RSPH3: variants seen among roughly 807,000 people sequenced by gnomAD.
RSPH3 encodes radial spoke head protein 3 homolog.
RSPH3 carries 21 observed loss-of-function variants against 43.8 expected under a neutral mutation model. The ratio of observed to expected loss-of-function variants is 0.48; its 90% CI spans 0.34 to 0.69. The LOEUF is 0.69. RSPH3 is among the 30% of genes least tolerant of loss of function. The pLI, the probability that RSPH3 is intolerant of heterozygous loss-of-function variation, is 0.01. For synonymous variants in RSPH3, 173 were observed against 179.8 expected (o/e 0.96, Z 0.30); for missense variants, 487 against 516.0 (o/e 0.94, Z 0.54).
chr6:158,983,871 T>C (rs1778121094), intron 3 of RSPH3, 64 bp from the exon 4 acceptor site: 10 of 1,205,304 alleles, frequency 8.3e-6, no homozygotes, highest in Non-Finnish European at 1.2e-5. Context: ...TGGTAGTTCA[T>C]GCCCATAATC....
rs1486331087 is a variant in RSPH3 at position 158,982,693 on chromosome 6, A to G, written c.493-5T>C. The G allele has an allele frequency of 1.2e-6, 2 of 1,603,706 alleles. No homozygotes were observed. Among genetic ancestry groups the G allele is most frequent in the Non-Finnish European group, 1.7e-6 (2 of 1,173,994 alleles). On this transcript the variant is annotated splice_region_variant and splice_polypyrimidine_tract_variant and intron_variant, in intron 4 of 7. Transcript: ENST00000367069. ...TTCAAGATCAAAGTCAAAGAGCTTA[A>G]ACATACAAAATAAAGCAAACTTAAA...
At chr6:158,978,426 A>T (rs1454903033) in intron 6 of RSPH3, 80 bp from the exon 7 acceptor site, 7 of 705,398 alleles carry the variant, frequency 9.9e-6, no homozygotes, top group Non-Finnish European at 1.7e-5. Flanking sequence ...AGACTCATCA[A>T]CATTGGTTTC....
At position 158,999,740 on chromosome 6, in the gene RSPH3, C is replaced by G. The variant is rs755765579; in HGVS notation, c.-190G>C. 1.2e-6 allele frequency: 2 copies of G among 1,611,652 alleles called. No individual in the cohort carries two copies. The highest frequency in any genetic ancestry group is 1.7e-6 in the Non-Finnish European group (2 of 1,178,506). Reference sequence around the variant, plus strand: ...CGCAGGAGGTGGGAGCTATACTGGGCTCGCTCCCAGCACCACAGAGACCAG... The same window carrying G: ...CGCAGGAGGTGGGAGCTATACTGGGGTCGCTCCCAGCACCACAGAGACCAG... On this transcript the variant is annotated 5_prime_UTR_variant, in exon 1 of 8. Transcript: ENST00000367069.
intron 2 of RSPH3, 147 bp downstream of exon 2, chr6:158,993,692 C>A (rs1054905186): frequency 1.6e-5 from 8 of 515,776 alleles, no homozygotes; most frequent in African/African-American, 1.4e-4. Flanking sequence ...ATTTGTATGT[C>A]TTTTTAAAAA....
At chr6:158,998,097 CA>C (rs58983986) in intron 1 of RSPH3, among the ~76,000 whole-genome samples, 2,852 of 152,114 alleles carry the variant, frequency 0.019, 88 homozygotes, top group African/African-American at 0.065. Context: ...CTGAATTCAA[CA>C]TTTGAGGCTT....
At chr6:158,985,798 TTCTCTCTCTC>T (rs201972962) in intron 3 of RSPH3, among the ~76,000 whole-genome samples, 2 of 147,846 alleles carry the variant, frequency 1.4e-5, no homozygotes, top group Non-Finnish European at 3.0e-5. Context: ...GTCTATGTAT[TTCTCTCTCTC>T]TCTCTCTCTT....
At chr6:158,978,830 C>T (rs1367306187) in intron 6 of RSPH3, among the ~76,000 whole-genome samples, 2 of 152,188 alleles carry the variant, frequency 1.3e-5, no homozygotes, top group Admixed American at 6.5e-5. Flanking sequence ...TGAGCCACCA[C>T]ACCTTGCCCA....
intron 4 of RSPH3, 38 bp downstream of exon 4, chr6:158,983,624 T>C (rs1353522617): frequency 6.5e-7 from 1 of 1,537,656 alleles, no homozygotes; most frequent in Non-Finnish European, 9.0e-7. Context: ...ACCTCATTTA[T>C]AAAGATTATA....
intron 5 of RSPH3, 99 bp from the exon 6 acceptor site, chr6:158,981,035 A>T: frequency 8.5e-7 from 1 of 1,173,738 alleles, no homozygotes; most frequent in Non-Finnish European, 1.2e-6. Flanking sequence ...CTTATCAAAA[A>T]ATGGACAGCG....
intron 3 of RSPH3, among the ~76,000 whole-genome samples, chr6:158,984,442 A>T (rs1299350368): frequency 1.7e-4 from 18 of 104,936 alleles, no homozygotes; most frequent in African/African-American, 7.7e-4. Flanking sequence ...AATTATATAT[A>T]TATATATATA....
Position 158,982,510 on chromosome 6 carries a change from T to TAAAAAA in RSPH3, c.670_671insTTTTTT (p.Gln224delinsLeuPheTer). On this transcript the variant is annotated stop_gained and protein_altering_variant, in exon 5 of 8. Coordinates refer to ENST00000367069, the MANE Select transcript of RSPH3 (RefSeq NM_031924.8). LOFTEE classifies it high-confidence loss of function. ...TTTTTCTTCTCGGTGTCGCCTCTCT[T>TAAAAAA]GCTCTTCAAGTCGTTGAACTTCAGC... is the stretch of plus-strand genomic sequence containing the variant. The TAAAAAA allele has an allele frequency of 6.6e-7, 1 of 1,519,280 alleles. No individual in the cohort carries two copies. The highest frequency in any genetic ancestry group is 8.8e-7 in the Non-Finnish European group (1 of 1,134,510). The allele number at this position is 1,519,280 out of a possible 1,614,324, so 94.1% of individuals were successfully genotyped here. A position where few individuals can be genotyped will look rare whatever the true frequency, so the allele number is the denominator to read the frequency against.
At chr6:158,970,211 T>C (rs1287256886), downstream of RSPH3, among the ~76,000 whole-genome samples, 1 of 152,224 alleles carries the variant, frequency 6.6e-6, no homozygotes, top group Non-Finnish European at 1.5e-5. Flanking sequence ...TAATGACTTC[T>C]CTGGAAAAAT....
chr6:158,981,045 G>C, intron 5 of RSPH3, 109 bp from the exon 6 acceptor site: 5 of 1,018,364 alleles, frequency 4.9e-6, no homozygotes, highest in Non-Finnish European at 7.3e-6. Flanking sequence ...AATGGACAGC[G>C]AGGTGTCTAT....
rs1778799679 is a variant in RSPH3, at chr6:158,999,835, G to T, written c.-285C>A. 1 of 1,613,752 alleles carries T rather than the reference G, an allele frequency of 6.2e-7. No individual in the cohort carries two copies. Among genetic ancestry groups the T allele is most frequent in the Non-Finnish European group, 8.5e-7 (1 of 1,179,910 alleles). ...GGGGGCGGGAACTCCGGGCAGTTCC[G>T]GTCCCCAGGTTTCCCGGGAAGGACT... On this transcript the variant is annotated 5_prime_UTR_variant, in exon 1 of 8. Coordinates refer to ENST00000367069, the MANE Select transcript of RSPH3 (RefSeq NM_031924.8).
intron 1 of RSPH3, among the ~76,000 whole-genome samples, chr6:158,994,452 T>G (rs1383495922): frequency 6.6e-6 from 1 of 152,118 alleles, no homozygotes. Flanking sequence ...TAATACTATT[T>G]TCCAGCCTGG....
chr6:158,974,679 C>T lies in RSPH3; in HGVS notation c.*2859G>A, dbSNP rs776396233. 3 of 152,194 alleles carry T rather than the reference C, an allele frequency of 2.0e-5. No homozygotes were observed. The highest frequency in any genetic ancestry group is 2.0e-4 in the Admixed American group (3 of 15,280). The allele number at this position is 152,194 out of a possible 1,614,324, so 9.4% of individuals were successfully genotyped here. A position where few individuals can be genotyped will look rare whatever the true frequency, so the allele number is the denominator to read the frequency against. Reference sequence around the variant, plus strand: ...GGACTAGGATTGCAATTAAGCTTAACCAGTTCAGTGTGGGGTTTATAGATA... The same window carrying T: ...GGACTAGGATTGCAATTAAGCTTAATCAGTTCAGTGTGGGGTTTATAGATA... On this transcript the variant is annotated 3_prime_UTR_variant, in exon 8 of 8. Coordinates refer to ENST00000367069, the MANE Select transcript of RSPH3 (RefSeq NM_031924.8).
At chr6:158,993,473 C>T (rs1473897706) in intron 2 of RSPH3, among the ~76,000 whole-genome samples, 1 of 137,768 alleles carries the variant, frequency 7.3e-6, no homozygotes, top group East Asian at 2.2e-4. Flanking sequence ...TGTGGTAAAA[C>T]ACACATAATG....
At chr6:158,980,012 T>C (rs1029740922) in intron 6 of RSPH3, among the ~76,000 whole-genome samples, 24 of 152,232 alleles carry the variant, frequency 1.6e-4, no homozygotes, top group African/African-American at 5.3e-4. Context: ...ATGACCTTGA[T>C]AGCTGCCCTC....
downstream of RSPH3, among the ~76,000 whole-genome samples, chr6:158,970,969 G>C (rs1777688756): frequency 6.6e-6 from 1 of 152,152 alleles, no homozygotes. Flanking sequence ...AATTGCTGCT[G>C]CTTTTTGTTC....
Sources: gnomAD v4.1 joint callset for allele counts (sites outside exome capture counted in the v4.1 genomes callset) on GRCh38, gnomAD v4.1.1 for gene constraint, MANE v1.5 for transcripts, NCBI Gene and HGNC (gene_info 2026-07-23, HGNC 2026-07-21) for gene names.